The following VAV3 variants were observed in gnomAD, a reference collection of about 807,000 sequenced individuals.
VAV3 encodes the protein guanine nucleotide exchange factor VAV3.
A neutral mutation model predicts 131.2 loss-of-function variants in VAV3; 94 were observed. The ratio of observed to expected loss-of-function variants is 0.72; its 90% confidence interval spans 0.61 to 0.85. The LOEUF is 0.85. VAV3 is among the 40% of genes least tolerant of loss of function. The pLI, the probability that VAV3 is intolerant of heterozygous loss-of-function variation, is 0.00. For missense variants in VAV3, 939 were observed against 1,002.7 expected (o/e 0.94, Z 0.86); for synonymous variants, 349 against 342.0 (o/e 1.02, Z -0.22).
At chr1:107,797,739 G>A (rs558797840) in intron 2 of VAV3, among the ~76,000 whole-genome samples, 2 of 152,290 alleles carry the variant, frequency 1.3e-5, no homozygotes, top group East Asian at 3.9e-4. Flanking sequence ...AAAAGTTAGT[G>A]GAGAATGAGA....
chr1:107,863,969 TTC>T (rs1352132437), intron 2 of VAV3, among the ~76,000 whole-genome samples: 1 of 152,156 alleles, frequency 6.6e-6, no homozygotes, highest in Non-Finnish European at 1.5e-5. Flanking sequence ...CAGTCAAGTT[TTC>T]TCTCTAAAAG....
chr1:107,829,527 T>C (rs184984173), intron 2 of VAV3, among the ~76,000 whole-genome samples: 11 of 152,312 alleles, frequency 7.2e-5, no homozygotes, highest in Non-Finnish European at 1.5e-4. Flanking sequence ...AGTATTTTAG[T>C]TTCTGTGTGG....
chr1:107,583,759 T>C (rs933570851), intron 25 of VAV3, among the ~76,000 whole-genome samples: 1 of 152,100 alleles, frequency 6.6e-6, no homozygotes, highest in Non-Finnish European at 1.5e-5. Context: ...TAAAAGAGGA[T>C]ACAAACAAAT....
chr1:107,780,184 A>C (rs1253198236), intron 2 of VAV3, among the ~76,000 whole-genome samples: 4 of 152,222 alleles, frequency 2.6e-5, no homozygotes, highest in Non-Finnish European at 5.9e-5. Context: ...TGCCTATAAT[A>C]ATAGTTAGAT....
chr1:107,623,277 G>C (rs1653738913), intron 20 of VAV3, among the ~76,000 whole-genome samples: 1 of 152,192 alleles, frequency 6.6e-6, no homozygotes, highest in African/African-American at 2.4e-5. Context: ...TTGTTACAAG[G>C]ATCAAAGAAT....
chr1:107,918,949 C>T (rs963027411), intron 1 of VAV3, among the ~76,000 whole-genome samples: 2 of 151,902 alleles, frequency 1.3e-5, no homozygotes, highest in Admixed American at 6.6e-5. Flanking sequence ...TCAGGTGATC[C>T]GCCCGCCTCA....
At chr1:107,902,090 GC>G (rs1671888267) in intron 1 of VAV3, among the ~76,000 whole-genome samples, 1 of 150,926 alleles carries the variant, frequency 6.6e-6, no homozygotes. Context: ...TATTGTTTTG[GC>G]CTGCAAAATA....
chr1:107,645,387 C>T (rs1375540308), intron 19 of VAV3, among the ~76,000 whole-genome samples: 1 of 151,206 alleles, frequency 6.6e-6, no homozygotes, highest in African/African-American at 2.4e-5. Context: ...GTCAGCACTT[C>T]CAATTTCAGC....
chr1:107,705,111 T>C, intron 15 of VAV3, 50 bp from the exon 16 acceptor site: 1 of 1,420,930 alleles, frequency 7.0e-7, no homozygotes, highest in Non-Finnish European at 9.8e-7. Context: ...ACAACAAAGC[T>C]GCAATTTAGT....
chr1:107,748,859 T>C (rs959032701), intron 15 of VAV3, 109 bp downstream of exon 15: 1 of 844,394 alleles, frequency 1.2e-6, no homozygotes, highest in Non-Finnish European at 1.8e-6. Flanking sequence ...CCCGTCGCTG[T>C]ACACATTATA....
At chr1:107,877,519 T>G (rs1290423236) in intron 1 of VAV3, among the ~76,000 whole-genome samples, 1 of 152,140 alleles carries the variant, frequency 6.6e-6, no homozygotes, top group African/African-American at 2.4e-5. Flanking sequence ...TAAAACAATA[T>G]GAAATATTGC....
At chr1:107,749,305 T>C (rs1663555329) in intron 14 of VAV3, among the ~76,000 whole-genome samples, 157 bp downstream of exon 14, 1 of 152,200 alleles carries the variant, frequency 6.6e-6, no homozygotes, top group Admixed American at 6.5e-5. Context: ...GCTGTGGCAT[T>C]ATCCAGTTAT....
At chr1:107,725,175 G>A (rs1352532455) in intron 15 of VAV3, among the ~76,000 whole-genome samples, 6 of 152,170 alleles carry the variant, frequency 3.9e-5, no homozygotes, top group Non-Finnish European at 8.8e-5. Flanking sequence ...ACAACAGTCA[G>A]TTGGGAGTCA....
chr1:107,858,886 A>C (rs1301308356), intron 2 of VAV3, among the ~76,000 whole-genome samples: 2 of 152,212 alleles, frequency 1.3e-5, no homozygotes, highest in Non-Finnish European at 2.9e-5. Flanking sequence ...TTGAAACTAT[A>C]CAGTTGTTTT....
intron 2 of VAV3, among the ~76,000 whole-genome samples, chr1:107,818,271 G>C (rs968481354): frequency 1.3e-5 from 2 of 152,152 alleles, no homozygotes; most frequent in East Asian, 1.9e-4. Context: ...CAGTCTCCAC[G>C]GGCCCAATAC....
chr1:107,602,315 C>A lies in VAV3; in HGVS notation c.2220+82G>T, dbSNP rs572808947. The A allele has an allele frequency of 2.6e-5, 27 of 1,041,382 alleles. No individual in the cohort carries two copies. The African/African-American group carries it at 4.3e-4, about 17-fold the overall frequency. The allele number at this position is 1,041,382 out of a possible 1,614,324, so 64.5% of individuals were successfully genotyped here. A position where few individuals can be genotyped will look rare whatever the true frequency, so the allele number is the denominator to read the frequency against. On this transcript the variant is annotated intron_variant, in intron 24 of 26. Transcript: ENST00000370056. ...ATAACTTTTCAGTGAGCAAAATTTC[C>A]AAGAAACTATAGAATTAAAATGACC... is the stretch of plus-strand genomic sequence containing the variant.
intron 2 of VAV3, among the ~76,000 whole-genome samples, chr1:107,818,744 A>G (rs1240118862): frequency 6.6e-6 from 1 of 152,190 alleles, no homozygotes; most frequent in Non-Finnish European, 1.5e-5. Flanking sequence ...ATATAAACCA[A>G]TATCATGTAG....
chr1:107,787,055 C>T (rs1666049422), intron 2 of VAV3, among the ~76,000 whole-genome samples: 1 of 152,128 alleles, frequency 6.6e-6, no homozygotes, highest in African/African-American at 2.4e-5. Context: ...ATCCAGGGAC[C>T]TCTGAAGGAC....
intron 15 of VAV3, among the ~76,000 whole-genome samples, chr1:107,735,288 A>G (rs1456456749): frequency 3.9e-5 from 6 of 152,228 alleles, no homozygotes; most frequent in Non-Finnish European, 5.9e-5. Context: ...TAACATCACA[A>G]TTAAAAGAAC....
Sources: gnomAD v4.1 joint callset for allele counts (sites outside exome capture counted in the v4.1 genomes callset) on GRCh38, gnomAD v4.1.1 for gene constraint, MANE v1.5 for transcripts, NCBI Gene and HGNC (gene_info 2026-07-23, HGNC 2026-07-21) for gene names.